The following WIPI2 variants were observed in gnomAD, a reference collection of about 807,000 sequenced individuals.
The protein encoded by WIPI2 is WD repeat domain, phosphoinositide interacting 2.
WIPI2 carries 28 observed loss-of-function variants against 52.3 expected under a neutral mutation model. That is an observed-to-expected ratio of 0.54 (90% CI 0.40 to 0.73). The LOEUF is 0.73. WIPI2 is among the 30% of genes least tolerant of loss of function. The pLI is 0.00. For synonymous variants in WIPI2, 268 were observed against 245.0 expected (o/e 1.09, Z -0.88); for missense variants, 506 against 602.9 (o/e 0.84, Z 1.68).
At chr7:5,190,764 G>T (rs1479518818) in intron 1 of WIPI2, 3 of 330,528 alleles carry the variant, frequency 9.1e-6, no homozygotes, top group Non-Finnish European at 1.6e-5. Flanking sequence ...AGGCCCCCTG[G>T]CTTCAGACTT....
intron 3 of WIPI2, among the ~76,000 whole-genome samples, chr7:5,208,812 T>C (rs554375135): frequency 6.6e-6 from 1 of 152,264 alleles, no homozygotes; most frequent in South Asian, 2.1e-4. Flanking sequence ...TAGCTTTGCA[T>C]TTTCTAGTTT....
intron 3 of WIPI2, among the ~76,000 whole-genome samples, chr7:5,203,813 C>A (rs921214571): frequency 6.6e-5 from 10 of 151,730 alleles, no homozygotes; most frequent in Non-Finnish European, 1.3e-4. Flanking sequence ...TTAGTAGAGA[C>A]AGGGTTTCAC....
chr7:5,226,023 CCT>C lies in WIPI2; in HGVS notation c.848+96_848+97del, dbSNP rs1363730270. ...GAGAGGTAAGCACGGACCCGCCCAC[CCT>C]CTGACATCGTTAGCCAGTGAAGACC... On this transcript the variant is annotated intron_variant, in intron 9 of 12. Transcript: ENST00000288828. 1.1e-5 allele frequency: 14 copies of C among 1,249,488 alleles called. No homozygotes were observed. In the East Asian group the frequency reaches 3.0e-4, roughly 27 times the overall value. 77.4% of individuals were successfully genotyped at this position (1,249,488 alleles called of 1,614,324 possible).
intron 3 of WIPI2, among the ~76,000 whole-genome samples, chr7:5,203,296 C>G (rs188230640): frequency 6.6e-6 from 1 of 152,166 alleles, no homozygotes; most frequent in African/African-American, 2.4e-5. Context: ...GTCCCTTGGC[C>G]TAAATCTGTG....
Position 5,227,329 on chromosome 7 carries a change from TCTG to T in WIPI2, c.1001_1003del (p.Cys334del). On this transcript the variant is annotated inframe_deletion, in exon 10 of 13. Coordinates refer to ENST00000288828, the MANE Select transcript of WIPI2 (RefSeq NM_015610.4). This position sits in a 1 kb window ranked among gnomAD's most constrained non-coding sequence, Gnocchi z 8.1. ...CTGCCATTCTGCGGCCACAAAAACA[TCTG>T]CTCGCTAGCCACGTGAGTAGAGCCG... 1 of 1,613,578 alleles carries T rather than the reference TCTG, an allele frequency of 6.2e-7. No homozygotes were observed. The highest frequency in any genetic ancestry group is 1.1e-5 in the South Asian group (1 of 91,090).
chr7:5,190,412 GC>G lies in WIPI2; in HGVS notation c.-5del. Reference sequence around the variant, plus strand: ...CCCCGGCCGGGCCCACTCGCCGCGCGCCCAGCCATGAACCTGGCGAGCCAGA... The same window carrying G: ...CCCCGGCCGGGCCCACTCGCCGCGCGCCAGCCATGAACCTGGCGAGCCAGA... On this transcript the variant is annotated 5_prime_UTR_variant, in exon 1 of 13. Transcript: ENST00000288828. 7.1e-7 allele frequency: 1 copy of G among 1,408,124 alleles called. No individual in the cohort carries two copies. The highest frequency in any genetic ancestry group is 9.3e-7 in the Non-Finnish European group (1 of 1,074,340). The allele number at this position is 1,408,124 out of a possible 1,614,324, so 87.2% of individuals were successfully genotyped here.
Position 5,227,913 on chromosome 7 carries a change from T to G in WIPI2, c.1014-191T>G, listed in dbSNP as rs902977240. Among the ~76,000 whole-genome samples, 1 of 152,228 alleles carries G rather than the reference T, an allele frequency of 6.6e-6. No homozygotes were observed. The highest frequency in any genetic ancestry group is 2.4e-5 in the African/African-American group (1 of 41,454). ...CATCCCGCTCTCGTCTCCCGTGGGC[T>G]TCAGGGCTCAGCACACGAGTGCAGC... On this transcript the variant is annotated intron_variant, in intron 10 of 12. Transcript: ENST00000288828. The surrounding 1 kb of genome is among the most constrained non-coding windows in gnomAD (Gnocchi z 8.1).
intron 7 of WIPI2, 96 bp downstream of exon 7, chr7:5,218,110 A>C: frequency 7.6e-7 from 1 of 1,309,160 alleles, no homozygotes; most frequent in Non-Finnish European, 1.1e-6. Context: ...AAGGTCCTAT[A>C]CTTACCAGCT....
chr7:5,221,192 A>G (rs34213558), intron 7 of WIPI2, among the ~76,000 whole-genome samples: 13,492 of 151,940 alleles, frequency 0.089, 780 homozygotes, highest in Middle Eastern at 0.13. Context: ...GGAACTCCTC[A>G]CCTCAGGTGA....
chr7:5,200,517 T>C (rs1303516855), intron 3 of WIPI2, among the ~76,000 whole-genome samples: 1 of 151,990 alleles, frequency 6.6e-6, no homozygotes, highest in Admixed American at 6.6e-5. Context: ...GTCCTCCTTG[T>C]GCTCGTTTGT....
At chr7:5,217,267 C>T in intron 6 of WIPI2, 80 bp downstream of exon 6, 1 of 1,430,232 alleles carries the variant, frequency 7.0e-7, no homozygotes, top group South Asian at 1.2e-5. Flanking sequence ...TCCCTGGCAT[C>T]CTGACTTGGC....
At chr7:5,195,062 G>A (rs370582897) in intron 2 of WIPI2, among the ~76,000 whole-genome samples, 4 of 152,154 alleles carry the variant, frequency 2.6e-5, no homozygotes, top group East Asian at 1.9e-4. Context: ...TCTCTGGGGA[G>A]GGTAGAGCAG....
chr7:5,215,264 T>G (rs1458056288), intron 4 of WIPI2, among the ~76,000 whole-genome samples: 1 of 46,878 alleles, frequency 2.1e-5, no homozygotes, highest in African/African-American at 8.5e-5. Flanking sequence ...TGAGCCAAGG[T>G]CATGTCATTG....
chr7:5,202,252 A>G (rs567245882), intron 3 of WIPI2, among the ~76,000 whole-genome samples: 6 of 152,312 alleles, frequency 3.9e-5, no homozygotes, highest in African/African-American at 1.2e-4. Context: ...TAGAAAAGAA[A>G]ATTCACACAC....
At chr7:5,203,703 G>C (rs1451425384) in intron 3 of WIPI2, among the ~76,000 whole-genome samples, 1 of 146,110 alleles carries the variant, frequency 6.8e-6, no homozygotes, top group Non-Finnish European at 1.5e-5. Flanking sequence ...CGCAATCTTG[G>C]CTCACTGCAA....
rs527369065 is a variant in WIPI2, at chr7:5,231,326, G to C, written c.*379G>C. On this transcript the variant is annotated 3_prime_UTR_variant, in exon 13 of 13. Coordinates refer to ENST00000288828, the MANE Select transcript of WIPI2 (RefSeq NM_015610.4). ...GGGTTTTTTCATATCTGTACATAAT[G>C]CCGAGTGCGTAAGGAAACCGTGGCG... The C allele has an allele frequency of 5.8e-6, 1 of 171,528 alleles. No individual in the cohort carries two copies. Among genetic ancestry groups the C allele is most frequent in the South Asian group, 1.4e-4 (1 of 6,994 alleles). The allele number at this position is 171,528 out of a possible 1,614,324, so 10.6% of individuals were successfully genotyped here. A position where few individuals can be genotyped will look rare whatever the true frequency, so the allele number is the denominator to read the frequency against.
chr7:5,231,853 G>A lies in WIPI2; in HGVS notation c.*906G>A, dbSNP rs775868036. Reference sequence around the variant, plus strand: ...GAGCTGTCCTTTCGCTGGCCCCGCTGTCCGCAGGGGCTTCCTACCTGTGTG... The same window carrying A: ...GAGCTGTCCTTTCGCTGGCCCCGCTATCCGCAGGGGCTTCCTACCTGTGTG... On this transcript the variant is annotated 3_prime_UTR_variant, in exon 13 of 13. Transcript: ENST00000288828. 26 of 229,654 alleles carry A rather than the reference G, an allele frequency of 1.1e-4. No homozygotes were observed. Among genetic ancestry groups the A allele is most frequent in the Non-Finnish European group, 1.8e-4 (21 of 119,068 alleles). The allele number at this position is 229,654 out of a possible 1,614,324, so 14.2% of individuals were successfully genotyped here. A position where few individuals can be genotyped will look rare whatever the true frequency, so the allele number is the denominator to read the frequency against.
chr7:5,218,348 G>A (rs1782928886), intron 7 of WIPI2: 1 of 214,824 alleles, frequency 4.7e-6, no homozygotes, highest in Non-Finnish European at 9.4e-6. Context: ...CCCAGACAGT[G>A]ATGAAATGTG....
At chr7:5,214,729 G>A in intron 4 of WIPI2, 25 bp downstream of exon 4, 3 of 1,611,662 alleles carry the variant, frequency 1.9e-6, no homozygotes, top group Non-Finnish European at 1.7e-6. Flanking sequence ...AGCTGGGTGT[G>A]GGCTTGTCTG....
Sources: allele counts gnomAD v4.1 joint callset (sites outside exome capture counted in the v4.1 genomes callset), GRCh38; gene constraint gnomAD v4.1.1; non-coding constraint Gnocchi (gnomAD v3.1); transcripts MANE v1.5; gene names NCBI Gene and HGNC (gene_info 2026-07-23, HGNC 2026-07-21).